LMF1: variants seen among roughly 807,000 people sequenced by gnomAD.
LMF1 encodes the protein lipase maturation factor 1, also known as transmembrane protein 112.
Under a neutral mutation model 60.6 loss-of-function variants are expected in LMF1, and 68 were observed. That is an observed-to-expected ratio of 1.12 (90% CI 0.92 to 1.37). The LOEUF is 1.37. LMF1 is among the 40% of genes most tolerant of loss of function. The pLI, the probability that LMF1 is intolerant of heterozygous loss-of-function variation, is 0.00. For synonymous variants in LMF1, 418 were observed against 324.7 expected (o/e 1.29, Z -3.09); for missense variants, 948 against 767.2 (o/e 1.24, Z -2.78).
upstream of LMF1, among the ~76,000 whole-genome samples, chr16:974,174 T>C (rs2073093524): frequency 6.6e-6 from 1 of 152,174 alleles, no homozygotes; most frequent in Admixed American, 6.5e-5. Context: ...AGTTTAAAAA[T>C]AACATTTAGA....
chr16:976,997 G>C, intron 1 of LMF1: 2 of 453,820 alleles, frequency 4.4e-6, no homozygotes, highest in Non-Finnish European at 8.8e-6. Flanking sequence ...CGTGGAGGTC[G>C]GGGGCATCAG....
chr16:896,624 C>T (rs1048989351), intron 4 of LMF1, among the ~76,000 whole-genome samples: 1 of 152,184 alleles, frequency 6.6e-6, no homozygotes. Flanking sequence ...GCGCTGCCCA[C>T]ACCCAGGGGA....
rs1314266573 is a variant in LMF1 at position 948,299 on chromosome 16, G to A, written c.503+6058C>T. On this transcript the variant is annotated intron_variant, in intron 2 of 10. Transcript: ENST00000262301. ...AGCCAACGACAGAGTCAGAGCCAAC[G>A]ACAGAGTCAGCCAACGACAGAGTCA... is the stretch of plus-strand genomic sequence containing the variant. 1.2e-3 allele frequency among the ~76,000 whole-genome samples: 173 copies of A among 149,476 alleles called. 2 individuals are homozygous for A. Among genetic ancestry groups the A allele is most frequent in the African/African-American group, 4.1e-3 (164 of 40,172 alleles).
At chr16:876,179 C>T (rs568048537) in intron 6 of LMF1, among the ~76,000 whole-genome samples, 9 of 152,368 alleles carry the variant, frequency 5.9e-5, no homozygotes, top group South Asian at 2.1e-4. Context: ...ACGGGCGTCT[C>T]GGAACCGAAG....
At position 976,388 on chromosome 16, in the gene LMF1, C is replaced by T. The variant is rs114115691; in HGVS notation, c.-135+4757G>A. On this transcript the variant is annotated intron_variant, in intron 1 of 6. Coordinates refer to the LMF1 transcript ENST00000570014. ...GCGTCAGACAGCACCCTCCTGTACACGGCACAGCTGTACTGCAGGGTTAGG... is the reference window on the plus strand; with the variant it reads ...GCGTCAGACAGCACCCTCCTGTACATGGCACAGCTGTACTGCAGGGTTAGG... The T allele has an allele frequency of 4.8e-3, 2,196 of 454,122 alleles. 42 individuals are homozygous for T. The highest frequency in any genetic ancestry group is 0.04 in the African/African-American group (2,026 of 50,102). The allele number at this position is 454,122 out of a possible 1,614,324, so 28.1% of individuals were successfully genotyped here.
intron 2 of LMF1, chr16:947,265 G>C (rs533690491): frequency 2.8e-6 from 1 of 353,628 alleles, no homozygotes; most frequent in Admixed American, 3.8e-5. Context: ...TCTACGCCTT[G>C]TCAAATCCCT....
chr16:956,512 CAAAA>C (rs1392600413), intron 1 of LMF1, among the ~76,000 whole-genome samples: 2 of 152,138 alleles, frequency 1.3e-5, no homozygotes, highest in Non-Finnish European at 1.5e-5. Flanking sequence ...AAAATACAAA[CAAAA>C]GAAAGTGGAA....
rs560576714 is a variant in LMF1, at chr16:930,915, G to A, written c.514+3329C>T. On this transcript the variant is annotated intron_variant, in intron 3 of 10. Transcript: ENST00000262301. ...GTGGGCGGGTTACCTGAGGTCAGGA[G>A]TTGGAGACCAGGCTGGCCAACACTG... 9.2e-5 allele frequency among the ~76,000 whole-genome samples: 14 copies of A among 152,346 alleles called. No homozygotes were observed. In the East Asian group the frequency reaches 1.5e-3, roughly 17 times the overall value.
chr16:898,225 C>G (rs2070716481), intron 4 of LMF1, among the ~76,000 whole-genome samples: 1 of 152,192 alleles, frequency 6.6e-6, no homozygotes, highest in African/African-American at 2.4e-5. Context: ...GGGACCTGGA[C>G]CTGGACAAAC....
At chr16:973,551 A>G (rs2073085195), upstream of LMF1, among the ~76,000 whole-genome samples, 1 of 152,076 alleles carries the variant, frequency 6.6e-6, no homozygotes, top group Admixed American at 6.6e-5. Flanking sequence ...GGGAGTGGGG[A>G]GCCAGTGGTC....
At chr16:941,532 ATC>A (rs1258726507) in intron 2 of LMF1, among the ~76,000 whole-genome samples, 1 of 152,068 alleles carries the variant, frequency 6.6e-6, no homozygotes, top group Non-Finnish European at 1.5e-5. Context: ...CTGATTCTAA[ATC>A]TCTGTCTTTT....
chr16:935,014 A>G (rs2071899675), intron 2 of LMF1, among the ~76,000 whole-genome samples: 1 of 152,268 alleles, frequency 6.6e-6, no homozygotes, highest in African/African-American at 2.4e-5. Flanking sequence ...TAGAAGGCAC[A>G]GCATGTGGTT....
In LMF1 at chr16:954,458, C is replaced by G. The variant is rs2072616352; in HGVS notation, c.402G>C (p.Leu134=). ...SNLDLLALLG[L]GISSFVLITG... ...TGATCAGTACGAAAGACGAGATGCC[C>G]AGTCCGAGAAGAGCCAGCAAGTCCA... Residue 134 remains leucine, a synonymous_variant, in exon 2 of 11, where the codon CTG becomes CTC. Coordinates refer to ENST00000262301, the MANE Select transcript of LMF1 (RefSeq NM_022773.4). 1.9e-6 allele frequency: 3 copies of G among 1,612,872 alleles called. No individual in the cohort carries two copies. The highest frequency in any genetic ancestry group is 2.5e-6 in the Non-Finnish European group (3 of 1,179,572).
chr16:960,166 G>A (rs2072793754), intron 1 of LMF1, among the ~76,000 whole-genome samples: 1 of 152,244 alleles, frequency 6.6e-6, no homozygotes, highest in Non-Finnish European at 1.5e-5. Flanking sequence ...TAGGGCTGGG[G>A]CAGAGAAACA....
chr16:963,112 C>T (rs918487901), intron 1 of LMF1, among the ~76,000 whole-genome samples: 2 of 151,882 alleles, frequency 1.3e-5, no homozygotes, highest in Non-Finnish European at 2.9e-5. Flanking sequence ...AGACTGGACA[C>T]AAGGCTGGAC....
At chr16:979,338 G>T (rs1264127257) in intron 1 of LMF1, 2 of 353,094 alleles carry the variant, frequency 5.7e-6, no homozygotes, top group Admixed American at 7.5e-5. Context: ...GCCCTCCCGG[G>T]AGTGCACCAA....
intron 2 of LMF1, 23 bp from the exon 3 acceptor site, chr16:934,277 A>G (rs1251481476): frequency 6.3e-7 from 1 of 1,599,260 alleles, no homozygotes; most frequent in South Asian, 1.1e-5. Context: ...AGAAGAAACG[A>G]GTATTAACAC....
In LMF1 at chr16:869,895, G is replaced by C; in HGVS notation, c.1404C>G (p.Phe468Leu). 6.2e-7 allele frequency: 1 copy of C among 1,612,218 alleles called. No homozygotes were observed. The highest frequency in any genetic ancestry group is 8.5e-7 in the Non-Finnish European group (1 of 1,179,690). The change falls in exon 9 of 11, where the codon TTC (phenylalanine) becomes TTG (leucine). Residue 468 changes from phenylalanine to leucine, a missense_variant. Coordinates refer to ENST00000262301, the MANE Select transcript of LMF1 (RefSeq NM_022773.4). Reference sequence around the variant, plus strand: ...GACCGTCCCCCACCTGGAAGGCCGCGAACCACATCAGCCAGTCCAGGCGGT... The same window carrying C: ...GACCGTCCCCCACCTGGAAGGCCGCCAACCACATCAGCCAGTCCAGGCGGT... ...YHYRLDWLMWFAAFQTYEHND... is the reference protein window; with the variant it reads ...YHYRLDWLMWLAAFQTYEHND...
At chr16:933,922 T>G in intron 3 of LMF1, 1 of 1,332,874 alleles carries the variant, frequency 7.5e-7, no homozygotes, top group East Asian at 3.7e-5. Context: ...GCACACAGCC[T>G]TGAGCGTCCA....
Sources: gnomAD v4.1 joint callset for allele counts (sites outside exome capture counted in the v4.1 genomes callset) on GRCh38, gnomAD v4.1.1 for gene constraint, MANE v1.5 for transcripts, NCBI Gene and HGNC (gene_info 2026-07-23, HGNC 2026-07-21) for gene names.